The following PLD5 variants were observed in gnomAD, a reference collection of about 807,000 sequenced individuals.
PLD5 encodes the protein inactive phospholipase D5.
In PLD5, 36 loss-of-function variants were observed where a neutral mutation model predicts 61.1. The observed-to-expected ratio is 0.59, with a 90% CI of 0.45 to 0.78. PLD5 has a LOEUF of 0.78. Ranked by LOEUF, PLD5 falls within the 30% of genes least tolerant of loss-of-function variation. The probability of loss-of-function intolerance (pLI) is 0.00; values close to 1 mark genes in which losing one functional copy is unlikely to be tolerated. For missense variants in PLD5, 515 were observed against 644.4 expected, an observed-to-expected ratio of 0.80 and a Z score of 2.17; for synonymous variants, 243 against 242.8, an observed-to-expected ratio of 1.00 and a Z score of -0.01.
intron 1 of PLD5, among the ~76,000 whole-genome samples, chr1:242,475,546 T>C (rs1667571788): frequency 6.6e-6 from 1 of 151,998 alleles, no homozygotes; most frequent in Non-Finnish European, 1.5e-5. Flanking sequence ...TTGTCTAAGA[T>C]ATCCCGCCCA....
rs1669541129 is a variant in PLD5, at chr1:242,207,973, T to TA, written c.735+12014_735+12015insT. ...ATTTATTTATATATATTTATATATATTTTTATATATATATTTATACACACA... is the reference window on the plus strand; with the variant it reads ...ATTTATTTATATATATTTATATATATATTTTATATATATATTTATACACACA... On this transcript the variant is annotated intron_variant, in intron 5 of 9. Coordinates refer to ENST00000536534, the MANE Select transcript of PLD5 (RefSeq NM_001372062.1). Among the ~76,000 whole-genome samples the TA allele has an allele frequency of 3.6e-4, 31 of 87,038 alleles. 6 individuals carry two copies. The South Asian group carries it at 9.6e-3, about 27-fold the overall frequency. 57.1% of individuals were successfully genotyped at this position (87,038 alleles called of 152,430 possible).
chr1:242,394,997 GTATATATGAA>G (rs1553366892), intron 1 of PLD5, among the ~76,000 whole-genome samples: 7 of 57,884 alleles, frequency 1.2e-4, no homozygotes, highest in East Asian at 3.5e-4. Flanking sequence ...GAATATATAT[GTATATATGAA>G]TATATATGAA....
chr1:242,400,494 C>A (rs188462363), intron 1 of PLD5, among the ~76,000 whole-genome samples: 21 of 152,210 alleles, frequency 1.4e-4, no homozygotes, highest in African/African-American at 4.6e-4. Flanking sequence ...ATCTCAGGGA[C>A]CCCACACTCT....
rs1464034806 is a variant in PLD5, at chr1:242,083,113, A to G, written c.*6741T>C. 1.3e-5 allele frequency: 2 copies of G among 152,190 alleles called. No individual in the cohort carries two copies. Among genetic ancestry groups the G allele is most frequent in the African/African-American group, 4.8e-5 (2 of 41,440 alleles). The allele number at this position is 152,190 out of a possible 1,614,324, so 9.4% of individuals were successfully genotyped here. ...TATTTCTCCAGTAAGCTAAGAGCAGAATGGTGAATCAACAAGACCTCAAAT... is the reference window on the plus strand; with the variant it reads ...TATTTCTCCAGTAAGCTAAGAGCAGGATGGTGAATCAACAAGACCTCAAAT... On this transcript the variant is annotated 3_prime_UTR_variant, in exon 10 of 10. Transcript: ENST00000536534.
At chr1:242,516,283 T>C (rs1046305934) in intron 1 of PLD5, among the ~76,000 whole-genome samples, 10 of 65,120 alleles carry the variant, frequency 1.5e-4, no homozygotes, top group African/African-American at 4.3e-4. Context: ...TATATATACA[T>C]ATTCTTCTAC....
intron 2 of PLD5, among the ~76,000 whole-genome samples, chr1:242,345,136 C>T (rs1660055873): frequency 1.3e-5 from 2 of 152,144 alleles, no homozygotes; most frequent in Non-Finnish European, 2.9e-5. Flanking sequence ...GAATGGGGCA[C>T]AGCCAAACCA....
chr1:242,260,738 C>T (rs1021593064), intron 4 of PLD5, among the ~76,000 whole-genome samples: 5 of 151,984 alleles, frequency 3.3e-5, no homozygotes, highest in African/African-American at 9.7e-5. Flanking sequence ...ATGAAAATAA[C>T]AAAGGATAAA....
chr1:242,370,224 A>G (rs1280855631), intron 1 of PLD5, among the ~76,000 whole-genome samples: 1 of 152,204 alleles, frequency 6.6e-6, no homozygotes, highest in East Asian at 1.9e-4. Context: ...AAATGAACTT[A>G]TTTAGTTCCT....
At chr1:242,186,846 T>G (rs1374784269) in intron 5 of PLD5, among the ~76,000 whole-genome samples, 2 of 152,228 alleles carry the variant, frequency 1.3e-5, no homozygotes, top group African/African-American at 4.8e-5. Context: ...AAATCTATCC[T>G]ATGTCCACAT....
intron 2 of PLD5, among the ~76,000 whole-genome samples, chr1:242,307,360 T>C (rs796189402): frequency 2.2e-4 from 18 of 81,676 alleles, no homozygotes; most frequent in South Asian, 4.2e-4. Flanking sequence ...GTGATGATGA[T>C]GGTGATGATG....
intron 6 of PLD5, among the ~76,000 whole-genome samples, 200 bp from the exon 7 acceptor site, chr1:242,114,226 T>A (rs1333068379): frequency 6.6e-6 from 1 of 152,188 alleles, no homozygotes; most frequent in African/African-American, 2.4e-5. Context: ...GGGTCTCAAG[T>A]CTGTTTTGGA....
intron 5 of PLD5, among the ~76,000 whole-genome samples, chr1:242,194,998 C>T (rs1574491948): frequency 6.6e-6 from 1 of 152,142 alleles, no homozygotes; most frequent in East Asian, 1.9e-4. Context: ...TGTAACCAAA[C>T]ACCACCTGTT....
At position 242,150,258 on chromosome 1, in the gene PLD5, G is replaced by C. The variant is rs554941178; in HGVS notation, c.736-25593C>G. Among the ~76,000 whole-genome samples, 128 of 148,298 alleles carry C rather than the reference G, an allele frequency of 8.6e-4. 1 individual carries two copies. The highest frequency in any genetic ancestry group is 8.6e-3 in the Admixed American group (128 of 14,936). ...CTCTCTTGAGATATGTTCCATATGTGCTTAAATATAATATCTGTTGTACTG... is the reference window on the plus strand; with the variant it reads ...CTCTCTTGAGATATGTTCCATATGTCCTTAAATATAATATCTGTTGTACTG... On this transcript the variant is annotated intron_variant, in intron 5 of 9. Coordinates refer to ENST00000536534, the MANE Select transcript of PLD5 (RefSeq NM_001372062.1).
chr1:242,373,004 G>T (rs1223390746), intron 1 of PLD5, among the ~76,000 whole-genome samples: 1 of 152,122 alleles, frequency 6.6e-6, no homozygotes, highest in African/African-American at 2.4e-5. Context: ...GAGTGAACAG[G>T]CAAACTACAG....
intron 1 of PLD5, among the ~76,000 whole-genome samples, chr1:242,439,839 G>A (rs564228113): frequency 5.9e-5 from 9 of 152,108 alleles, no homozygotes; most frequent in Non-Finnish European, 1.0e-4. Flanking sequence ...AGAAGGAAAC[G>A]AAACAAAACA....
intron 8 of PLD5, among the ~76,000 whole-genome samples, chr1:242,105,741 G>A (rs1268824138): frequency 1.3e-5 from 2 of 152,112 alleles, no homozygotes; most frequent in African/African-American, 4.8e-5. Flanking sequence ...CTGTAGAAAA[G>A]ATGAAATAAT....
intron 1 of PLD5, among the ~76,000 whole-genome samples, chr1:242,491,379 A>G (rs1236487214): frequency 6.6e-6 from 1 of 152,218 alleles, no homozygotes; most frequent in Non-Finnish European, 1.5e-5. Context: ...ACATGAAGAA[A>G]CGTGTGCATG....
At chr1:242,389,088 A>G (rs1455655596) in intron 1 of PLD5, among the ~76,000 whole-genome samples, 1 of 151,878 alleles carries the variant, frequency 6.6e-6, no homozygotes, top group Non-Finnish European at 1.5e-5. Context: ...AAACTAGGGT[A>G]TTAAATGAAG....
At position 242,524,432 on chromosome 1, in the gene PLD5, C is replaced by CGGGGTGCTGAGCGCCAGCTG. The variant is rs1223901922; in HGVS notation, c.-176_-157dup. ...GAGGAGCGAGCGGGCGCGGGGAGCGCGGGGTGCTGAGCGCCAGCTGGGAGC... is the reference window on the plus strand; with the variant it reads ...GAGGAGCGAGCGGGCGCGGGGAGCGCGGGGTGCTGAGCGCCAGCTGGGGGTGCTGAGCGCCAGCTGGGAGC... On this transcript the variant is annotated 5_prime_UTR_variant, in exon 1 of 10. Coordinates refer to ENST00000536534, the MANE Select transcript of PLD5 (RefSeq NM_001372062.1). The CGGGGTGCTGAGCGCCAGCTG allele has an allele frequency of 1.3e-5, 9 of 679,658 alleles. No individual in the cohort carries two copies. Among genetic ancestry groups the CGGGGTGCTGAGCGCCAGCTG allele is most frequent in the Non-Finnish European group, 1.6e-5 (8 of 492,394 alleles). The allele number at this position is 679,658 out of a possible 1,614,324, so 42.1% of individuals were successfully genotyped here. A position where few individuals can be genotyped will look rare whatever the true frequency, so the allele number is the denominator to read the frequency against.
Sources: gnomAD v4.1 joint callset for allele counts (sites outside exome capture counted in the v4.1 genomes callset) on GRCh38, gnomAD v4.1.1 for gene constraint, MANE v1.5 for transcripts, NCBI Gene and HGNC (gene_info 2026-07-23, HGNC 2026-07-21) for gene names.